Variants in NT5C2 observed in about 807,000 individuals in gnomAD.
The protein encoded by NT5C2 is 5'-nucleotidase, cytosolic II, also known as cytosolic purine 5'-nucleotidase.
A neutral mutation model predicts 76.1 loss-of-function variants in NT5C2; 58 were observed. The ratio of observed to expected loss-of-function variants is 0.76; its 90% CI spans 0.62 to 0.95. The LOEUF (loss-of-function observed/expected upper bound fraction) is 0.95, where lower values mean the gene tolerates loss of function less well. Among genes scored for constraint, NT5C2 ranks in the 40% least tolerant of loss-of-function variants. The pLI is 0.00. For synonymous variants in NT5C2, 229 were observed against 237.4 expected (o/e 0.96, Z 0.32); for missense variants, 478 against 690.3 (o/e 0.69, Z 3.45).
intron 3 of NT5C2, chr10:103,146,212 A>AC: frequency 1.0e-6 from 1 of 985,378 alleles, no homozygotes; most frequent in Non-Finnish European, 1.2e-6. Flanking sequence ...GTGCTGGAGA[A>AC]AACACCTCTG....
chr10:103,166,851 T>C (rs553326054), intron 3 of NT5C2, among the ~76,000 whole-genome samples: 3 of 152,088 alleles, frequency 2.0e-5, no homozygotes, highest in African/African-American at 7.2e-5. Context: ...CAGGGTATCA[T>C]TATGTTCCCC....
At chr10:103,124,771 G>GT (rs906420931) in intron 4 of NT5C2, among the ~76,000 whole-genome samples, 8 of 151,572 alleles carry the variant, frequency 5.3e-5, no homozygotes, top group Admixed American at 4.6e-4. Flanking sequence ...ACACCATGAG[G>GT]TTTTTTTCCA....
chr10:103,193,212 G>C (rs917315365), intron 1 of NT5C2, 24 bp downstream of exon 1: 2 of 149,742 alleles, frequency 1.3e-5, no homozygotes, highest in South Asian at 2.0e-4. Context: ...TTCCCCGCCC[G>C]CCCACGGGGC....
rs199636619 is a variant in NT5C2 at position 103,098,101 on chromosome 10, AAAG to A, written c.688-730_688-728del. The A allele has an allele frequency of 5.1e-5, 27 of 528,646 alleles. No homozygotes were observed. The East Asian group carries it at 1.5e-3, about 29-fold the overall frequency. The allele number at this position is 528,646 out of a possible 1,614,324, so 32.7% of individuals were successfully genotyped here. A position where few individuals can be genotyped will look rare whatever the true frequency, so the allele number is the denominator to read the frequency against. Reference sequence around the variant, plus strand: ...TGCTACTTTTACTCTGTAGGAAAAGAAAGAAGTATGTCATCTTGGGGCACTATG... The same window carrying A: ...TGCTACTTTTACTCTGTAGGAAAAGAAAGTATGTCATCTTGGGGCACTATG... On this transcript the variant is annotated intron_variant, in intron 10 of 18. Transcript: ENST00000404739.
chr10:103,167,881 G>A (rs879614879), intron 3 of NT5C2, among the ~76,000 whole-genome samples: 1 of 151,942 alleles, frequency 6.6e-6, no homozygotes, highest in Non-Finnish European at 1.5e-5. Flanking sequence ...CCATCCACCC[G>A]CCTGGGTCTC....
chr10:103,124,569 C>T (rs1365656375), intron 4 of NT5C2, among the ~76,000 whole-genome samples: 1 of 152,054 alleles, frequency 6.6e-6, no homozygotes, highest in African/African-American at 2.4e-5. Flanking sequence ...AAAGAGTGCA[C>T]TAGTCACTGC....
chr10:103,130,583 TAAAAAAA>T (rs5787482), intron 4 of NT5C2, among the ~76,000 whole-genome samples: 2 of 137,372 alleles, frequency 1.5e-5, no homozygotes, highest in Non-Finnish European at 3.1e-5. Flanking sequence ...AAATAAAAAT[TAAAAAAA>T]AAAAAAAGAA....
At chr10:103,193,029 G>A (rs967831272) in intron 1 of NT5C2, among the ~76,000 whole-genome samples, 2 of 151,712 alleles carry the variant, frequency 1.3e-5, no homozygotes, top group African/African-American at 4.8e-5. Context: ...CGCACCGAGG[G>A]AGTTGGGAGG....
At chr10:103,124,868 T>G (rs2076370492) in intron 4 of NT5C2, 1 of 120,846 alleles carries the variant, frequency 8.3e-6, no homozygotes, top group Non-Finnish European at 1.8e-5. Flanking sequence ...TATTAATATA[T>G]AATTTAATAA....
At chr10:103,144,064 A>G (rs1591431307) in intron 3 of NT5C2, among the ~76,000 whole-genome samples, 1 of 152,104 alleles carries the variant, frequency 6.6e-6, no homozygotes, top group African/African-American at 2.4e-5. Context: ...CTACTTTATT[A>G]TATTTTCCCA....
chr10:103,144,031 CCT>C (rs2081054495), intron 3 of NT5C2, among the ~76,000 whole-genome samples: 1 of 152,106 alleles, frequency 6.6e-6, no homozygotes, highest in African/African-American at 2.4e-5. Flanking sequence ...CAAATATCAC[CCT>C]GTTATTACTG....
At chr10:103,146,042 T>C (rs979892801) in intron 3 of NT5C2, 11 of 985,144 alleles carry the variant, frequency 1.1e-5, no homozygotes, top group Non-Finnish European at 1.3e-5. Flanking sequence ...CATCTGTCAC[T>C]GGTTGCCGTT....
intron 4 of NT5C2, among the ~76,000 whole-genome samples, chr10:103,107,535 G>A (rs1198843037): frequency 1.3e-5 from 2 of 151,890 alleles, no homozygotes; most frequent in Non-Finnish European, 1.5e-5. Flanking sequence ...AAATTAGCCG[G>A]GTGTGGTGGC....
chr10:103,172,174 T>C (rs1213953052), intron 3 of NT5C2, among the ~76,000 whole-genome samples: 1 of 151,780 alleles, frequency 6.6e-6, no homozygotes, highest in Non-Finnish European at 1.5e-5. Flanking sequence ...CGCGCCACTG[T>C]ACTGAGAGAC....
chr10:103,102,527 TTTTC>T (rs1396196968), intron 6 of NT5C2, among the ~76,000 whole-genome samples: 4 of 151,780 alleles, frequency 2.6e-5, no homozygotes, highest in Non-Finnish European at 4.4e-5. Context: ...ATTTTTTCTT[TTTTC>T]TTTTTTTTTT....
intron 1 of NT5C2, among the ~76,000 whole-genome samples, chr10:103,183,693 A>G (rs1292205031): frequency 6.6e-6 from 1 of 150,906 alleles, no homozygotes; most frequent in Non-Finnish European, 1.5e-5. Flanking sequence ...GGGTGGGAGG[A>G]GGGTGAGGGA....
chr10:103,165,574 CTTTT>C (rs35898850), intron 3 of NT5C2, among the ~76,000 whole-genome samples: 9 of 109,260 alleles, frequency 8.2e-5, no homozygotes, highest in Middle Eastern at 4.5e-3. Context: ...CCACCTGTGG[CTTTT>C]TTTTTTTTTT....
At chr10:103,090,081 C>T (rs1434364445) in intron 18 of NT5C2, 173 bp from the exon 19 acceptor site, 1 of 496,778 alleles carries the variant, frequency 2.0e-6, no homozygotes, top group Admixed American at 3.7e-5. Context: ...CTGTCTTCCT[C>T]TCTCCCTGCC....
intron 3 of NT5C2, among the ~76,000 whole-genome samples, chr10:103,166,275 C>T (rs986763226): frequency 6.6e-6 from 1 of 152,206 alleles, no homozygotes; most frequent in Admixed American, 6.5e-5. Flanking sequence ...TTTACAGGTA[C>T]ACCCACCATC....
Sources: gnomAD v4.1 joint callset for allele counts (sites outside exome capture counted in the v4.1 genomes callset) on GRCh38, gnomAD v4.1.1 for gene constraint, MANE v1.5 for transcripts, NCBI Gene and HGNC (gene_info 2026-07-23, HGNC 2026-07-21) for gene names.